ASTN2: variants seen among roughly 807,000 people sequenced by gnomAD.
The protein encoded by ASTN2 is astrotactin 2.
ASTN2 carries 54 observed loss-of-function variants against 139.8 expected under a neutral mutation model. That is an observed-to-expected ratio of 0.39 (90% CI 0.31 to 0.48). ASTN2 has a LOEUF of 0.48. Ranked by LOEUF, ASTN2 falls within the 20% of genes least tolerant of loss-of-function variation. ASTN2 has a pLI of 0.95. For missense variants in ASTN2, 1,565 were observed against 1,725.1 expected (o/e 0.91, Z 1.64); for synonymous variants, 756 against 719.5 (o/e 1.05, Z -0.81).
chr9:116,720,037 G>C (rs990091965), intron 16 of ASTN2, among the ~76,000 whole-genome samples: 1 of 152,102 alleles, frequency 6.6e-6, no homozygotes, highest in Non-Finnish European at 1.5e-5. Context: ...GAAACTGAAG[G>C]CTCTGGAGAA....
intron 20 of ASTN2, among the ~76,000 whole-genome samples, chr9:116,469,139 T>A (rs961679006): frequency 6.6e-6 from 1 of 152,190 alleles, no homozygotes; most frequent in Non-Finnish European, 1.5e-5. Flanking sequence ...AGTGCTGAGT[T>A]GTACAGAGAA....
intron 22 of ASTN2, among the ~76,000 whole-genome samples, chr9:116,439,906 C>G (rs1256282116): frequency 6.6e-6 from 1 of 152,182 alleles, no homozygotes; most frequent in African/African-American, 2.4e-5. Flanking sequence ...AGGTAGCAAC[C>G]ATTTCTACCT....
intron 11 of ASTN2, among the ~76,000 whole-genome samples, chr9:116,852,878 TACACACACACACACACACACAC>T (rs3040211): frequency 3.0e-5 from 4 of 134,270 alleles, no homozygotes; most frequent in African/African-American, 8.8e-5. Flanking sequence ...AAGGGGAAAA[TACACACACACACACACACACAC>T]ACACACACAC....
intron 5 of ASTN2, among the ~76,000 whole-genome samples, chr9:117,063,829 G>A (rs1166740693): frequency 6.6e-6 from 1 of 152,058 alleles, no homozygotes; most frequent in Non-Finnish European, 1.5e-5. Flanking sequence ...GGTCCTAAGG[G>A]TTGTAGCAAA....
chr9:117,307,357 T>TA (rs1835028052), intron 1 of ASTN2, among the ~76,000 whole-genome samples: 1 of 152,342 alleles, frequency 6.6e-6, no homozygotes, highest in African/African-American at 2.4e-5. Context: ...GTTTTGCATG[T>TA]AAAACCTCAC....
intron 16 of ASTN2, among the ~76,000 whole-genome samples, chr9:116,724,390 A>G (rs535742686): frequency 9.9e-5 from 15 of 152,246 alleles, no homozygotes; most frequent in African/African-American, 3.6e-4. Context: ...TGCACACAGG[A>G]AGCAGAAAGG....
intron 1 of ASTN2, among the ~76,000 whole-genome samples, chr9:117,294,113 G>A (rs1051099692): frequency 6.6e-6 from 1 of 152,234 alleles, no homozygotes; most frequent in Admixed American, 6.5e-5. Flanking sequence ...GAAAGCAGAA[G>A]GTCTCAGAAG....
At chr9:116,885,440 T>C (rs1242210347) in intron 10 of ASTN2, among the ~76,000 whole-genome samples, 1 of 152,028 alleles carries the variant, frequency 6.6e-6, no homozygotes, top group Non-Finnish European at 1.5e-5. Flanking sequence ...CTGAGGTGGG[T>C]GGATCACCTG....
At chr9:116,721,546 C>T (rs1012464050) in intron 16 of ASTN2, among the ~76,000 whole-genome samples, 2 of 152,184 alleles carry the variant, frequency 1.3e-5, no homozygotes, top group East Asian at 3.9e-4. Flanking sequence ...AGTTCACACA[C>T]TGCTTGGGGG....
intron 4 of ASTN2, among the ~76,000 whole-genome samples, chr9:117,127,959 C>A (rs148668511): frequency 6.6e-6 from 1 of 151,952 alleles, no homozygotes; most frequent in Non-Finnish European, 1.5e-5. Context: ...GGATTACAGG[C>A]GTGAGCCACC....
chr9:117,153,636 A>C (rs1040804370), intron 3 of ASTN2, among the ~76,000 whole-genome samples: 1 of 152,162 alleles, frequency 6.6e-6, no homozygotes, highest in Non-Finnish European at 1.5e-5. Context: ...CTTATTTTGC[A>C]GTGGGAACAA....
chr9:117,292,024 G>C (rs1216064879), intron 1 of ASTN2, among the ~76,000 whole-genome samples: 1 of 152,150 alleles, frequency 6.6e-6, no homozygotes, highest in Non-Finnish European at 1.5e-5. Flanking sequence ...TGGGAAAGGA[G>C]CTTGCCAAGA....
At chr9:116,666,785 C>T (rs887435445) in intron 16 of ASTN2, among the ~76,000 whole-genome samples, 2 of 151,930 alleles carry the variant, frequency 1.3e-5, no homozygotes, top group Non-Finnish European at 2.9e-5. Flanking sequence ...CATGAGGAAA[C>T]ACTTAGCTAA....
intron 19 of ASTN2, among the ~76,000 whole-genome samples, chr9:116,565,257 CAT>C (rs1554714078): frequency 3.9e-5 from 5 of 126,742 alleles, no homozygotes; most frequent in African/African-American, 1.8e-4. Flanking sequence ...CACACACACA[CAT>C]ATGCCCCATA....
At chr9:117,073,829 A>G (rs1828201585) in intron 5 of ASTN2, among the ~76,000 whole-genome samples, 1 of 152,188 alleles carries the variant, frequency 6.6e-6, no homozygotes, top group Admixed American at 6.5e-5. Context: ...ACCAAACTGG[A>G]GAGATCCTTC....
intron 16 of ASTN2, among the ~76,000 whole-genome samples, chr9:116,659,221 C>A (rs1358613445): frequency 5.9e-5 from 9 of 152,046 alleles, no homozygotes; most frequent in Admixed American, 2.0e-4. Flanking sequence ...GAATATATTT[C>A]TCTCCAAATA....
chr9:116,859,283 A>C (rs368402809), intron 11 of ASTN2, among the ~76,000 whole-genome samples: 1 of 152,234 alleles, frequency 6.6e-6, no homozygotes, highest in Non-Finnish European at 1.5e-5. Context: ...GGATGTGGAC[A>C]TCTTTGCAGG....
chr9:116,770,567 A>G (rs1190173822), intron 13 of ASTN2, among the ~76,000 whole-genome samples: 2 of 152,004 alleles, frequency 1.3e-5, no homozygotes, highest in Non-Finnish European at 2.9e-5. Context: ...CTTTCTCTAT[A>G]CCTTGTCACA....
At chr9:116,963,250 A>G (rs1344723114) in intron 10 of ASTN2, among the ~76,000 whole-genome samples, 2 of 152,182 alleles carry the variant, frequency 1.3e-5, no homozygotes, top group Non-Finnish European at 2.9e-5. Flanking sequence ...ATGGATAAGG[A>G]GTAGTGTGCT....
Sources: allele counts gnomAD v4.1 joint callset (sites outside exome capture counted in the v4.1 genomes callset), GRCh38; gene constraint gnomAD v4.1.1; transcripts MANE v1.5; gene names NCBI Gene and HGNC (gene_info 2026-07-23, HGNC 2026-07-21).